The following PVR variants were observed in gnomAD, a reference collection of about 807,000 sequenced individuals.
PVR encodes the protein PVR cell adhesion molecule, also known as poliovirus receptor.
In PVR, 39 loss-of-function variants were observed where a neutral mutation model predicts 43.3. The ratio of observed to expected loss-of-function variants is 0.90; its 90% CI spans 0.70 to 1.18. PVR has a LOEUF of 1.18. PVR is among the 50% of genes most tolerant of loss of function. PVR has a pLI of 0.00. For synonymous variants in PVR, 224 were observed against 233.2 expected (o/e 0.96, Z 0.36); for missense variants, 480 against 549.7 (o/e 0.87, Z 1.27).
In PVR at chr19:44,662,683, G is replaced by A. The variant is rs568739067; in HGVS notation, c.*872G>A. ...AGGCAGGATATTCCAAGGGCTTAGAGATGAATGCCCAGGAGCTGAGGATAA... is the reference window on the plus strand; with the variant it reads ...AGGCAGGATATTCCAAGGGCTTAGAAATGAATGCCCAGGAGCTGAGGATAA... On this transcript the variant is annotated 3_prime_UTR_variant, in exon 8 of 8. Coordinates refer to ENST00000425690, the MANE Select transcript of PVR (RefSeq NM_006505.5). 6.6e-6 allele frequency: 1 copy of A among 152,424 alleles called. No homozygotes were observed. Among genetic ancestry groups the A allele is most frequent in the East Asian group, 1.9e-4 (1 of 5,196 alleles). The allele number at this position is 152,424 out of a possible 1,614,324, so 9.4% of individuals were successfully genotyped here. A position where few individuals can be genotyped will look rare whatever the true frequency, so the allele number is the denominator to read the frequency against.
At chr19:44,651,414 G>A in intron 3 of PVR, among the ~76,000 whole-genome samples, 1 of 152,066 alleles carries the variant, frequency 6.6e-6, no homozygotes, top group South Asian at 2.1e-4. Context: ...ACTCCCTGGA[G>A]AACTGTCTGC....
Position 44,647,438 on chromosome 19 carries a change from CTG to C in PVR, c.296_297del (p.Leu99ArgfsTer19). On this transcript the variant is annotated frameshift_variant, in exon 2 of 8. Transcript: ENST00000425690. LOFTEE classifies it high-confidence loss of function. ...ACGGCTGGAATTCGTGGCAGCCAGACTGGGCGCGGAGCTGCGGAATGCCTCGC... is the reference window on the plus strand; with the variant it reads ...ACGGCTGGAATTCGTGGCAGCCAGACGGCGCGGAGCTGCGGAATGCCTCGC... ...SKRLEFVAAR[L>X]GAELRNASLR... 6.2e-7 allele frequency: 1 copy of C among 1,614,072 alleles called. No individual in the cohort carries two copies. Among genetic ancestry groups the C allele is most frequent in the Non-Finnish European group, 8.5e-7 (1 of 1,180,006 alleles).
intron 4 of PVR, among the ~76,000 whole-genome samples, chr19:44,654,244 C>T (rs188922291): frequency 8.9e-6 from 1 of 112,968 alleles, no homozygotes; most frequent in Admixed American, 8.3e-5. Flanking sequence ...GGCCTGGACC[C>T]CTGGGTCTGA....
intron 1 of PVR, 85 bp from the exon 2 acceptor site, chr19:44,647,138 G>T: frequency 5.3e-6 from 4 of 753,812 alleles, no homozygotes; most frequent in Non-Finnish European, 7.3e-6. Flanking sequence ...GCAAGTGCAC[G>T]CCCAGGTGCC....
Position 44,664,196 on chromosome 19 carries a change from AT to A in PVR, c.*2388del, listed in dbSNP as rs1368493614. 6.6e-6 allele frequency: 1 copy of A among 151,688 alleles called. No individual in the cohort carries two copies. The highest frequency in any genetic ancestry group is 1.5e-5 in the Non-Finnish European group (1 of 67,960). 9.4% of individuals were successfully genotyped at this position (151,688 alleles called of 1,614,324 possible). On this transcript the variant is annotated 3_prime_UTR_variant, in exon 8 of 8. Transcript: ENST00000425690. ...ATTGAATAGTGCACTTTATTTATTT[AT>A]TTATTTGTTTATTTATTTATTTATT...
chr19:44,662,424 C>CT lies in PVR; in HGVS notation c.*618dup, dbSNP rs778131620. Reference sequence around the variant, plus strand: ...GTATGTGCCACCACGTCTGGCTAATCTTTTTATTATTTGTAAAGTCGAGGT... The same window carrying CT: ...GTATGTGCCACCACGTCTGGCTAATCTTTTTTATTATTTGTAAAGTCGAGGT... On this transcript the variant is annotated 3_prime_UTR_variant, in exon 8 of 8. Transcript: ENST00000425690. The CT allele has an allele frequency of 6.6e-6, 1 of 152,446 alleles. No homozygotes were observed. The highest frequency in any genetic ancestry group is 1.5e-5 in the Non-Finnish European group (1 of 68,276). 9.4% of individuals were successfully genotyped at this position (152,446 alleles called of 1,614,324 possible).
chr19:44,646,832 A>G (rs1439848298), intron 1 of PVR, among the ~76,000 whole-genome samples: 1 of 152,216 alleles, frequency 6.6e-6, no homozygotes, highest in Non-Finnish European at 1.5e-5. Context: ...GTTGCACAAT[A>G]TCGTGAAATG....
chr19:44,646,827 A>G (rs1973128719), intron 1 of PVR, among the ~76,000 whole-genome samples: 1 of 152,230 alleles, frequency 6.6e-6, no homozygotes, highest in South Asian at 2.1e-4. Flanking sequence ...TAACGGTTGC[A>G]CAATATCGTG....
At chr19:44,652,877 G>A (rs1051985791) in intron 3 of PVR, among the ~76,000 whole-genome samples, 15 of 152,120 alleles carry the variant, frequency 9.9e-5, no homozygotes, top group African/African-American at 3.4e-4. Flanking sequence ...ATTTCAACTT[G>A]TAATTGTTTT....
intron 4 of PVR, among the ~76,000 whole-genome samples, chr19:44,654,909 C>T (rs1267594920): frequency 6.6e-6 from 1 of 152,126 alleles, no homozygotes; most frequent in Non-Finnish European, 1.5e-5. Flanking sequence ...ACTTGGTTAT[C>T]TCTGGATGGA....
rs10425860 is a variant in PVR at position 44,653,336 on chromosome 19, C to T, written c.725-564C>T. Among the ~76,000 whole-genome samples, 1,237 of 152,214 alleles carry T rather than the reference C, an allele frequency of 8.1e-3. 22 individuals carry two copies. Among genetic ancestry groups the T allele is most frequent in the African/African-American group, 0.028 (1,168 of 41,512 alleles). The stretch of plus-strand genomic sequence containing the variant: ...CAGGCAATTGGTACACAGATTCCCT[C>T]AGGTACTGTCTATACTGGAGTCCCT... On this transcript the variant is annotated intron_variant, in intron 3 of 7. Coordinates refer to ENST00000425690, the MANE Select transcript of PVR (RefSeq NM_006505.5).
intron 1 of PVR, among the ~76,000 whole-genome samples, chr19:44,644,459 T>C (rs1000620113): frequency 4.6e-5 from 7 of 151,994 alleles, no homozygotes; most frequent in Non-Finnish European, 8.8e-5. Context: ...GGAAAGGGGA[T>C]GGAGTTGGGT....
Position 44,665,768 on chromosome 19 carries a change from T to TTCC in PVR, c.*3957_*3958insTCC, listed in dbSNP as rs1290566982. Reference sequence around the variant, plus strand: ...TTGGCATCACCCTCTGGTGCCAAGATGGCTGCTGCATTCCAGGCATCACAT... The same window carrying TTCC: ...TTGGCATCACCCTCTGGTGCCAAGATTCCGGCTGCTGCATTCCAGGCATCACAT... On this transcript the variant is annotated 3_prime_UTR_variant, in exon 8 of 8. Coordinates refer to ENST00000425690, the MANE Select transcript of PVR (RefSeq NM_006505.5). 1 of 152,386 alleles carries TTCC rather than the reference T, an allele frequency of 6.6e-6. No individual in the cohort carries two copies. The highest frequency in any genetic ancestry group is 1.5e-5 in the Non-Finnish European group (1 of 68,228). 9.4% of individuals were successfully genotyped at this position (152,386 alleles called of 1,614,324 possible).
chr19:44,659,964 TA>T (rs1429732901), intron 6 of PVR, among the ~76,000 whole-genome samples: 58 of 152,210 alleles, frequency 3.8e-4, no homozygotes, highest in Non-Finnish European at 2.4e-4. Flanking sequence ...CTTCAACCAC[TA>T]AACAAAGCTG....
rs1390224291 is a variant in PVR at position 44,657,496 on chromosome 19, GGGATGCACAGCGCCA to G, written c.843-264_843-250del. On this transcript the variant is annotated intron_variant, in intron 4 of 7. Coordinates refer to ENST00000425690, the MANE Select transcript of PVR (RefSeq NM_006505.5). ...AGCGTGGAGGCGGCTGCTGGGGGCC[GGGATGCACAGCGCCA>G]GAGCAGGGAGGTACCGTGGAAGCCC... is the stretch of plus-strand genomic sequence containing the variant. Among the ~76,000 whole-genome samples, 6 of 152,312 alleles carry G rather than the reference GGGATGCACAGCGCCA, an allele frequency of 3.9e-5. No homozygotes were observed. In the East Asian group the frequency reaches 1.2e-3, roughly 29 times the overall value.
intron 5 of PVR, 137 bp from the exon 6 acceptor site, chr19:44,658,605 G>A: frequency 1.4e-6 from 1 of 729,290 alleles, no homozygotes; most frequent in Non-Finnish European, 2.3e-6. Flanking sequence ...CCAGAGGGTG[G>A]GATCCATTCC....
intron 1 of PVR, among the ~76,000 whole-genome samples, chr19:44,646,359 G>A (rs970593906): frequency 6.6e-6 from 1 of 152,062 alleles, no homozygotes; most frequent in Non-Finnish European, 1.5e-5. Flanking sequence ...TGGATTTGAA[G>A]ACCCAAGATT....
intron 4 of PVR, among the ~76,000 whole-genome samples, chr19:44,655,651 A>C (rs1973423020): frequency 1.3e-5 from 2 of 152,184 alleles, no homozygotes; most frequent in Admixed American, 1.3e-4. Flanking sequence ...ACATAGATCC[A>C]CAACTCCATT....
chr19:44,661,215 C>T (rs1211647122), intron 6 of PVR, 77 bp from the exon 7 acceptor site: 3 of 1,423,086 alleles, frequency 2.1e-6, no homozygotes, highest in Non-Finnish European at 3.0e-6. Flanking sequence ...TTTCAGGGCC[C>T]TGACACCCAG....
Sources: gnomAD v4.1 joint callset for allele counts (sites outside exome capture counted in the v4.1 genomes callset) on GRCh38, gnomAD v4.1.1 for gene constraint, MANE v1.5 for transcripts, NCBI Gene and HGNC (gene_info 2026-07-23, HGNC 2026-07-21) for gene names.